Variants in PBX1 observed in about 807,000 individuals in gnomAD.
PBX1 encodes the protein pre-B-cell leukemia transcription factor 1.
Under a neutral mutation model 53.4 loss-of-function variants are expected in PBX1, and 6 were observed. The observed-to-expected ratio is 0.11, with a 90% CI of 0.06 to 0.22. PBX1 has a LOEUF of 0.22. Among genes scored for constraint, PBX1 ranks in the 10% least tolerant of loss-of-function variants. PBX1 has a pLI of 1.00. For synonymous variants in PBX1, 204 were observed against 212.3 expected (o/e 0.96, Z 0.34); for missense variants, 251 against 551.4 (o/e 0.46, Z 5.46).
intron 8 of PBX1, among the ~76,000 whole-genome samples, chr1:164,838,464 T>C (rs993140667): frequency 6.6e-6 from 1 of 152,182 alleles, no homozygotes; most frequent in African/African-American, 2.4e-5. Flanking sequence ...TCATATGTTC[T>C]AGCATCTTAA....
intron 8 of PBX1, among the ~76,000 whole-genome samples, chr1:164,822,072 A>G (rs529584544): frequency 5.9e-5 from 9 of 152,280 alleles, no homozygotes; most frequent in African/African-American, 1.9e-4. Flanking sequence ...TAAAAAGAAA[A>G]TTAACACAGA....
intron 2 of PBX1, among the ~76,000 whole-genome samples, chr1:164,724,462 G>A (rs2102116561): frequency 6.6e-6 from 1 of 152,170 alleles, no homozygotes; most frequent in East Asian, 1.9e-4. Flanking sequence ...ACTAACAATA[G>A]CTGATGAGGT....
chr1:164,750,700 T>C (rs1226194524), intron 2 of PBX1, among the ~76,000 whole-genome samples: 2 of 152,182 alleles, frequency 1.3e-5, no homozygotes, highest in African/African-American at 4.8e-5. Flanking sequence ...TGGGTTCTTT[T>C]TAAAAACCAT....
intron 2 of PBX1, among the ~76,000 whole-genome samples, chr1:164,705,165 T>TC (rs1226422761): frequency 6.6e-6 from 1 of 152,154 alleles, no homozygotes; most frequent in African/African-American, 2.4e-5. Flanking sequence ...GCCAGCAGCA[T>TC]CCCCACTCCC....
Position 164,563,402 on chromosome 1 carries a change from T to G in PBX1, c.265+91T>G. On this transcript the variant is annotated intron_variant, in intron 2 of 8. Transcript: ENST00000420696. ...CAAATCTATTATTTAAATATTAAAA[T>G]TTCAGAATACAAGTACTATGAAGGT... The G allele has an allele frequency of 3.8e-6, 3 of 789,810 alleles. No individual in the cohort carries two copies. The South Asian group carries it at 5.2e-5, about 14-fold the overall frequency. 48.9% of individuals were successfully genotyped at this position (789,810 alleles called of 1,614,324 possible).
At chr1:164,757,889 G>A (rs867385195) in intron 2 of PBX1, among the ~76,000 whole-genome samples, 2 of 152,196 alleles carry the variant, frequency 1.3e-5, no homozygotes, top group Middle Eastern at 6.8e-3. Context: ...TGAACCTTTG[G>A]ATCTGATAAG....
chr1:164,705,465 A>G (rs574689266), intron 2 of PBX1, among the ~76,000 whole-genome samples: 1 of 152,184 alleles, frequency 6.6e-6, no homozygotes, highest in Non-Finnish European at 1.5e-5. Context: ...AAAATTTTTC[A>G]TATAAATTTT....
intron 2 of PBX1, among the ~76,000 whole-genome samples, chr1:164,757,859 C>T (rs1466570158): frequency 6.6e-6 from 1 of 152,166 alleles, no homozygotes; most frequent in African/African-American, 2.4e-5. Context: ...ATGTTCTCAT[C>T]TTTGGTGGGC....
At chr1:164,738,495 T>C (rs1401413865) in intron 2 of PBX1, among the ~76,000 whole-genome samples, 3 of 152,216 alleles carry the variant, frequency 2.0e-5, no homozygotes, top group Non-Finnish European at 4.4e-5. Flanking sequence ...TCTCACCATG[T>C]TGCCCAGGCT....
At chr1:164,751,049 C>A (rs1440631485) in intron 2 of PBX1, among the ~76,000 whole-genome samples, 1 of 152,132 alleles carries the variant, frequency 6.6e-6, no homozygotes, top group Non-Finnish European at 1.5e-5. Flanking sequence ...GGTGCGGTGA[C>A]TCATGCCTGT....
intron 2 of PBX1, among the ~76,000 whole-genome samples, chr1:164,587,762 C>T (rs1438464819): frequency 1.3e-5 from 2 of 152,188 alleles, no homozygotes; most frequent in Non-Finnish European, 2.9e-5. Context: ...AGAGTTCTCA[C>T]TTGCAGCAGT....
At chr1:164,600,902 C>G (rs1656123418) in intron 2 of PBX1, among the ~76,000 whole-genome samples, 1 of 152,116 alleles carries the variant, frequency 6.6e-6, no homozygotes, top group Non-Finnish European at 1.5e-5. Context: ...TGAGGAATGG[C>G]TTGCATTTTA....
chr1:164,763,020 T>C (rs760873479), intron 2 of PBX1, among the ~76,000 whole-genome samples: 4 of 152,196 alleles, frequency 2.6e-5, no homozygotes, highest in Non-Finnish European at 4.4e-5. Context: ...ATCATGATAA[T>C]TCTAAAGGGA....
chr1:164,859,850 C>T (rs1327649840), intron 2 of PBX1, among the ~76,000 whole-genome samples: 1 of 152,170 alleles, frequency 6.6e-6, no homozygotes, highest in Non-Finnish European at 1.5e-5. Flanking sequence ...ATCTCTGGGT[C>T]CTTGGTCAGG....
At chr1:164,636,477 T>C (rs931293602) in intron 2 of PBX1, among the ~76,000 whole-genome samples, 2 of 152,234 alleles carry the variant, frequency 1.3e-5, no homozygotes, top group Non-Finnish European at 2.9e-5. Flanking sequence ...TTTATCCTTT[T>C]CTCTTTTTCC....
At chr1:164,650,790 C>T (rs1465933969) in intron 2 of PBX1, among the ~76,000 whole-genome samples, 1 of 151,962 alleles carries the variant, frequency 6.6e-6, no homozygotes, top group Non-Finnish European at 1.5e-5. Flanking sequence ...GAATTTTCAT[C>T]ATCATCCTCC....
chr1:164,789,366 A>C (rs1338441002), intron 2 of PBX1, among the ~76,000 whole-genome samples: 1 of 152,222 alleles, frequency 6.6e-6, no homozygotes, highest in Non-Finnish European at 1.5e-5. Flanking sequence ...AAATATTCTC[A>C]GAGGTTAATA....
At chr1:164,883,080 G>A (rs190702465) in intron 2 of PBX1, among the ~76,000 whole-genome samples, 14 of 152,168 alleles carry the variant, frequency 9.2e-5, no homozygotes, top group African/African-American at 3.1e-4. Context: ...AGCTCTTTAG[G>A]TGAAAATAAA....
chr1:164,687,331 C>G (rs888197169), intron 2 of PBX1, among the ~76,000 whole-genome samples: 7 of 151,860 alleles, frequency 4.6e-5, no homozygotes, highest in Non-Finnish European at 2.9e-5. Context: ...GGAGGCTGAG[C>G]CAGGAGGATT....
Sources: allele counts gnomAD v4.1 joint callset (sites outside exome capture counted in the v4.1 genomes callset), GRCh38; gene constraint gnomAD v4.1.1; transcripts MANE v1.5; gene names NCBI Gene and HGNC (gene_info 2026-07-23, HGNC 2026-07-21).